Variants in C8orf89 observed in about 807,000 individuals in gnomAD.
C8orf89 encodes the protein chromosome 8 open reading frame 89, also known as putative uncharacterized protein C8orf89.
A neutral mutation model predicts 15.8 loss-of-function variants in C8orf89; 14 were observed. The ratio of observed to expected loss-of-function variants is 0.89; its 90% confidence interval spans 0.59 to 1.39. The LOEUF is 1.39. C8orf89 is among the 40% of genes most tolerant of loss of function. C8orf89 has a pLI of 0.00. For synonymous variants in C8orf89, 55 were observed against 62.2 expected (o/e 0.88, Z 0.54); for missense variants, 181 against 184.5 (o/e 0.98, Z 0.11).
chr8:73,259,744 A>T (rs1354260206), upstream of C8orf89, among the ~76,000 whole-genome samples: 1 of 152,240 alleles, frequency 6.6e-6, no homozygotes. Flanking sequence ...TGCCTAAAAA[A>T]AAAAAGACAA....
the C8orf89 span, among the ~76,000 whole-genome samples, chr8:73,276,891 C>A: frequency 7.2e-6 from 1 of 138,328 alleles, no homozygotes; most frequent in African/African-American, 2.6e-5. Flanking sequence ...ACTGCAACCT[C>A]CACCTCCCAG....
the C8orf89 span, among the ~76,000 whole-genome samples, chr8:73,283,422 T>C: frequency 6.6e-6 from 1 of 152,194 alleles, no homozygotes. Flanking sequence ...TAATCTTAAA[T>C]GTGCCCCTCA....
the C8orf89 span, chr8:73,277,427 G>T: frequency 1.7e-6 from 2 of 1,173,640 alleles, no homozygotes; most frequent in Non-Finnish European, 2.4e-6. Context: ...AGACAAAGTA[G>T]GTTTACTTTG....
At position 73,259,502 on chromosome 8, in the gene C8orf89, C is replaced by A. The variant is rs1813482337; in HGVS notation, c.-44G>T. On this transcript the variant is annotated 5_prime_UTR_variant, in exon 1 of 4. Coordinates refer to ENST00000624510, the MANE Select transcript of C8orf89 (RefSeq NM_001243237.3). ...TGCTGATGAGAGGGAGATGCTGCTG[C>A]AGAGACAGGACACAAAATACAAAAA... 4 of 1,401,418 alleles carry A rather than the reference C, an allele frequency of 2.9e-6. No homozygotes were observed. The highest frequency in any genetic ancestry group is 2.8e-6 in the Non-Finnish European group (3 of 1,073,568). The allele number at this position is 1,401,418 out of a possible 1,614,324, so 86.8% of individuals were successfully genotyped here.
At chr8:73,266,576 T>C in the C8orf89 span, among the ~76,000 whole-genome samples, 3 of 152,158 alleles carry the variant, frequency 2.0e-5, no homozygotes, top group African/African-American at 7.2e-5. Flanking sequence ...GGCTTTTCAG[T>C]AGGTGAATGT....
intron 2 of C8orf89, among the ~76,000 whole-genome samples, chr8:73,252,645 C>T (rs990222017): frequency 3.3e-5 from 5 of 151,970 alleles, no homozygotes; most frequent in African/African-American, 1.2e-4. Context: ...TTCAAGAGTA[C>T]TTAAAAAGAA....
At chr8:73,248,487 G>T (rs1426883469) in intron 3 of C8orf89, among the ~76,000 whole-genome samples, 5 of 152,114 alleles carry the variant, frequency 3.3e-5, no homozygotes, top group Non-Finnish European at 7.4e-5. Context: ...AATGTCATTG[G>T]TAGTTTAATA....
At chr8:73,255,317 C>G (rs1438153203) in intron 2 of C8orf89, among the ~76,000 whole-genome samples, 1 of 152,162 alleles carries the variant, frequency 6.6e-6, no homozygotes, top group Non-Finnish European at 1.5e-5. Context: ...AGGACACAAA[C>G]AGACACTTCT....
the C8orf89 span, among the ~76,000 whole-genome samples, chr8:73,275,881 C>G: frequency 6.6e-6 from 1 of 152,024 alleles, no homozygotes; most frequent in African/African-American, 2.4e-5. Flanking sequence ...AATCCTCTTT[C>G]CTACTCTAAG....
chr8:73,284,699 G>C, the C8orf89 span, among the ~76,000 whole-genome samples: 1 of 152,054 alleles, frequency 6.6e-6, no homozygotes, highest in Admixed American at 6.6e-5. Context: ...GTTTCAATAA[G>C]TACTTATACA....
intron 3 of C8orf89, among the ~76,000 whole-genome samples, chr8:73,242,815 A>G (rs1813034555): frequency 6.6e-6 from 1 of 152,176 alleles, no homozygotes; most frequent in Non-Finnish European, 1.5e-5. Flanking sequence ...CATATACCCA[A>G]AAGAAGGGAA....
At chr8:73,284,805 G>C in the C8orf89 span, among the ~76,000 whole-genome samples, 2 of 152,168 alleles carry the variant, frequency 1.3e-5, no homozygotes, top group Non-Finnish European at 2.9e-5. Flanking sequence ...ATTTTAACTT[G>C]TTAACAATGT....
At chr8:73,273,346 C>G in the C8orf89 span, among the ~76,000 whole-genome samples, 1 of 152,240 alleles carries the variant, frequency 6.6e-6, no homozygotes, top group Admixed American at 6.5e-5. Flanking sequence ...CCCTGCCTGG[C>G]CTCTCCCAGC....
chr8:73,250,370 G>A lies in C8orf89; in HGVS notation c.282-47C>T, dbSNP rs1390881269. On this transcript the variant is annotated intron_variant, in intron 2 of 3. Transcript: ENST00000624510. ...AAAATTACTTACATATAAATTCAGG[G>A]CACAATGAAACTCACTTGTTGAATA... 4 of 1,130,086 alleles carry A rather than the reference G, an allele frequency of 3.5e-6. No individual in the cohort carries two copies. In the South Asian group the frequency reaches 5.8e-5, roughly 16 times the overall value. 70.0% of individuals were successfully genotyped at this position (1,130,086 alleles called of 1,614,324 possible).
At chr8:73,285,576 G>A in the C8orf89 span, among the ~76,000 whole-genome samples, 1 of 152,246 alleles carries the variant, frequency 6.6e-6, no homozygotes, top group African/African-American at 2.4e-5. Flanking sequence ...TCCTTGGCCA[G>A]GGCTCGTCCT....
At chr8:73,242,264 A>G (rs1244819247) in intron 3 of C8orf89, among the ~76,000 whole-genome samples, 1 of 152,166 alleles carries the variant, frequency 6.6e-6, no homozygotes, top group Admixed American at 6.5e-5. Context: ...GGGATTAACA[A>G]CCAGAATATA....
chr8:73,276,056 G>A, the C8orf89 span, among the ~76,000 whole-genome samples: 4 of 151,712 alleles, frequency 2.6e-5, no homozygotes, highest in South Asian at 2.1e-4. Flanking sequence ...GTTTTTGTTC[G>A]CTCCCTTGTT....
intron 2 of C8orf89, among the ~76,000 whole-genome samples, chr8:73,252,617 T>C (rs1472702915): frequency 6.6e-6 from 1 of 152,204 alleles, no homozygotes; most frequent in African/African-American, 2.4e-5. Context: ...GCTCTCTATT[T>C]ATATTACCAG....
chr8:73,261,866 C>T (rs539165292), upstream of C8orf89, among the ~76,000 whole-genome samples: 16 of 152,266 alleles, frequency 1.1e-4, no homozygotes, highest in South Asian at 4.1e-4. Flanking sequence ...GCCCAGCCCA[C>T]GCTTCCTTCC....
Sources: allele counts gnomAD v4.1 joint callset (sites outside exome capture counted in the v4.1 genomes callset), GRCh38; gene constraint gnomAD v4.1.1; transcripts MANE v1.5; gene names NCBI Gene and HGNC (gene_info 2026-07-23, HGNC 2026-07-21).